GALNT17: variants seen among roughly 807,000 people sequenced by gnomAD.
GALNT17 encodes the protein polypeptide N-acetylgalactosaminyltransferase 17, also known as UDP-GalNAc:polypeptide N-acetylgalactosaminyltransferase-like 3.
GALNT17 carries 29 observed loss-of-function variants against 63.7 expected under a neutral mutation model. That is an observed-to-expected ratio of 0.46 (90% CI 0.34 to 0.62). The LOEUF (loss-of-function observed/expected upper bound fraction) is 0.62, where lower values mean the gene tolerates loss of function less well. Ranked by LOEUF, GALNT17 falls within the 20% of genes least tolerant of loss-of-function variation. GALNT17 has a pLI of 0.01. For synonymous variants in GALNT17, 305 were observed against 318.3 expected, an observed-to-expected ratio of 0.96 and a Z score of 0.45; for missense variants, 603 against 799.6, an observed-to-expected ratio of 0.75 and a Z score of 2.97.
intron 1 of GALNT17, among the ~76,000 whole-genome samples, chr7:71,303,488 G>A (rs1042166743): frequency 1.3e-5 from 2 of 151,970 alleles, no homozygotes; most frequent in African/African-American, 4.8e-5. Context: ...GAATTGGTGG[G>A]GTCTGTGTAA....
chr7:71,514,918 T>C (rs1174879954), intron 5 of GALNT17, among the ~76,000 whole-genome samples: 3 of 152,180 alleles, frequency 2.0e-5, no homozygotes, highest in Non-Finnish European at 4.4e-5. Context: ...AATTCAATCA[T>C]GGAGGCAGTT....
chr7:71,666,539 G>A lies in GALNT17; in HGVS notation c.1266+943G>A, dbSNP rs1023137982. 5.9e-5 allele frequency among the ~76,000 whole-genome samples: 9 copies of A among 151,702 alleles called. 1 individual carries two copies. The Middle Eastern group carries it at 9.5e-3, about 160-fold the overall frequency. ...ATACACTGCACCATATTTGTTGTCT[G>A]TTATCCCTCGCCCCCCTCCCACTCT... On this transcript the variant is annotated intron_variant, in intron 7 of 10. Transcript: ENST00000333538.
intron 8 of GALNT17, among the ~76,000 whole-genome samples, chr7:71,670,511 G>A (rs757013986): frequency 6.6e-5 from 10 of 152,032 alleles, no homozygotes; most frequent in African/African-American, 2.4e-4. Context: ...AGGAGGAAAC[G>A]TTCTCAGATT....
At chr7:71,528,641 G>A (rs1340396446) in intron 5 of GALNT17, among the ~76,000 whole-genome samples, 1 of 152,092 alleles carries the variant, frequency 6.6e-6, no homozygotes, top group East Asian at 1.9e-4. Flanking sequence ...TTTGAATGTG[G>A]TCTACATCAC....
chr7:71,407,794 C>T (rs1263124968), intron 3 of GALNT17, among the ~76,000 whole-genome samples: 2 of 151,996 alleles, frequency 1.3e-5, no homozygotes. Flanking sequence ...TCTTCTGCAC[C>T]GTCAAAATTA....
intron 5 of GALNT17, among the ~76,000 whole-genome samples, chr7:71,423,496 C>T (rs772045723): frequency 3.9e-5 from 6 of 151,986 alleles, no homozygotes; most frequent in South Asian, 2.1e-4. Context: ...TACCTGGGCT[C>T]GGTTTTAGGG....
intron 1 of GALNT17, among the ~76,000 whole-genome samples, chr7:71,266,752 G>A (rs1790499248): frequency 1.3e-5 from 2 of 152,172 alleles, no homozygotes; most frequent in Non-Finnish European, 2.9e-5. Context: ...CAAGGGGAGA[G>A]AAGTGCAACC....
chr7:71,344,741 A>G (rs1032582653), intron 2 of GALNT17, among the ~76,000 whole-genome samples: 4 of 152,166 alleles, frequency 2.6e-5, no homozygotes, highest in Non-Finnish European at 5.9e-5. Context: ...GCACTTTATT[A>G]TTATTGTGCT....
At chr7:71,597,710 T>C (rs1789908427) in intron 6 of GALNT17, among the ~76,000 whole-genome samples, 1 of 152,064 alleles carries the variant, frequency 6.6e-6, no homozygotes, top group African/African-American at 2.4e-5. Context: ...AAATGCAGTG[T>C]TGGAGAACCA....
chr7:71,185,117 C>T (rs983531569), intron 1 of GALNT17, among the ~76,000 whole-genome samples: 3 of 146,394 alleles, frequency 2.0e-5, no homozygotes, highest in African/African-American at 5.1e-5. Flanking sequence ...CCCCTGCCCT[C>T]GCCTCCCTTC....
At chr7:71,711,541 G>C (rs1330071653) in intron 10 of GALNT17, among the ~76,000 whole-genome samples, 3 of 145,836 alleles carry the variant, frequency 2.1e-5, no homozygotes, top group Non-Finnish European at 4.5e-5. Flanking sequence ...CTCTCCCTCT[G>C]TCTCCCTCTC....
chr7:71,334,822 A>G (rs1257919984), intron 1 of GALNT17, among the ~76,000 whole-genome samples: 3 of 152,234 alleles, frequency 2.0e-5, no homozygotes, highest in Non-Finnish European at 4.4e-5. Context: ...TTAGGGAAAG[A>G]GCTGTGTCAG....
intron 6 of GALNT17, among the ~76,000 whole-genome samples, chr7:71,592,247 G>T (rs564550825): frequency 6.6e-6 from 1 of 152,170 alleles, no homozygotes; most frequent in African/African-American, 2.4e-5. Context: ...AAGCGATGCA[G>T]AGACTGGGTC....
At chr7:71,463,439 G>A (rs1356937957) in intron 5 of GALNT17, among the ~76,000 whole-genome samples, 2 of 152,114 alleles carry the variant, frequency 1.3e-5, no homozygotes, top group Non-Finnish European at 2.9e-5. Flanking sequence ...TTACCAGAAA[G>A]GGGTCCCAAT....
chr7:71,420,824 A>T, intron 4 of GALNT17, 84 bp from the exon 5 acceptor site: 1 of 1,519,032 alleles, frequency 6.6e-7, no homozygotes, highest in African/African-American at 1.4e-5. Flanking sequence ...TTAAGTAGCT[A>T]AATGCTGTTC....
intron 2 of GALNT17, among the ~76,000 whole-genome samples, chr7:71,353,962 C>T (rs1043043955): frequency 4.6e-5 from 7 of 151,854 alleles, no homozygotes; most frequent in East Asian, 1.9e-4. Context: ...ACAATTGTGG[C>T]GGAAGATGAA....
intron 1 of GALNT17, among the ~76,000 whole-genome samples, chr7:71,168,072 A>G (rs1309959259): frequency 2.0e-5 from 3 of 152,320 alleles, no homozygotes; most frequent in South Asian, 4.1e-4. Flanking sequence ...AAGTTTTTAC[A>G]TATAGATATC....
intron 1 of GALNT17, among the ~76,000 whole-genome samples, chr7:71,308,744 G>GT (rs760443992): frequency 0.032 from 4,383 of 138,688 alleles, 168 homozygotes; most frequent in African/African-American, 0.091. Flanking sequence ...TTTCTCTTTA[G>GT]TTTTTTTTTT....
At chr7:71,601,377 G>A (rs1219870734) in intron 6 of GALNT17, among the ~76,000 whole-genome samples, 5 of 152,106 alleles carry the variant, frequency 3.3e-5, no homozygotes, top group Admixed American at 2.6e-4. Flanking sequence ...CACAGTGGCT[G>A]TACTAGTTTA....
Sources: allele counts gnomAD v4.1 joint callset (sites outside exome capture counted in the v4.1 genomes callset), GRCh38; gene constraint gnomAD v4.1.1; transcripts MANE v1.5; gene names NCBI Gene and HGNC (gene_info 2026-07-23, HGNC 2026-07-21).